The following LRMDA variants were observed in gnomAD, a reference collection of about 807,000 sequenced individuals.
The protein encoded by LRMDA is leucine rich melanocyte differentiation associated, also known as leucine-rich melanocyte differentiation-associated protein.
A neutral mutation model predicts 29.8 loss-of-function variants in LRMDA; 18 were observed. The observed-to-expected ratio is 0.60, with a 90% CI of 0.42 to 0.90. LRMDA has a LOEUF of 0.90. Among genes scored for constraint, LRMDA ranks in the 40% least tolerant of loss-of-function variants. LRMDA has a pLI of 0.00. For missense variants in LRMDA, 273 were observed against 273.9 expected (o/e 1.00, Z 0.02); for synonymous variants, 125 against 109.4 (o/e 1.14, Z -0.89).
chr10:75,943,079 C>T (rs947587613), intron 2 of LRMDA, among the ~76,000 whole-genome samples: 3 of 150,892 alleles, frequency 2.0e-5, no homozygotes, highest in Non-Finnish European at 4.4e-5. Flanking sequence ...AGTCTGGTTC[C>T]AGGATGGATG....
intron 2 of LRMDA, among the ~76,000 whole-genome samples, chr10:75,969,596 A>G (rs1373640462): frequency 6.6e-6 from 1 of 152,324 alleles, no homozygotes; most frequent in East Asian, 1.9e-4. Flanking sequence ...TAATTTTGCC[A>G]TGTTTCCTTT....
At chr10:76,419,529 T>C (rs1186130821) in intron 6 of LRMDA, among the ~76,000 whole-genome samples, 1 of 152,124 alleles carries the variant, frequency 6.6e-6, no homozygotes, top group Non-Finnish European at 1.5e-5. Flanking sequence ...GCCGTAAACA[T>C]CTGTGTGCAG....
intron 5 of LRMDA, among the ~76,000 whole-genome samples, chr10:76,307,172 T>G (rs1443549280): frequency 1.3e-5 from 2 of 152,184 alleles, no homozygotes; most frequent in African/African-American, 4.8e-5. Context: ...TTTTTAATCT[T>G]CTGTGGGATA....
chr10:75,876,772 C>T (rs1411780467), intron 2 of LRMDA, among the ~76,000 whole-genome samples: 1 of 152,162 alleles, frequency 6.6e-6, no homozygotes, highest in Non-Finnish European at 1.5e-5. Context: ...CATGACATAA[C>T]AAGATTCAAT....
At chr10:76,469,627 G>A (rs1456410851) in intron 6 of LRMDA, among the ~76,000 whole-genome samples, 1 of 152,088 alleles carries the variant, frequency 6.6e-6, no homozygotes, top group African/African-American at 2.4e-5. Flanking sequence ...TTGAAACAGA[G>A]TGAGGGAAGT....
At chr10:75,900,781 C>T (rs975631658) in intron 2 of LRMDA, among the ~76,000 whole-genome samples, 3 of 152,158 alleles carry the variant, frequency 2.0e-5, no homozygotes, top group Non-Finnish European at 2.9e-5. Context: ...TGCCCACCCC[C>T]CCACCTTTCT....
At chr10:75,900,552 G>A (rs1845653106) in intron 2 of LRMDA, among the ~76,000 whole-genome samples, 1 of 152,168 alleles carries the variant, frequency 6.6e-6, no homozygotes, top group African/African-American at 2.4e-5. Flanking sequence ...GAAGGCAAGG[G>A]CACAAGAAAA....
At chr10:76,468,887 G>A (rs1842590698) in intron 6 of LRMDA, among the ~76,000 whole-genome samples, 1 of 152,140 alleles carries the variant, frequency 6.6e-6, no homozygotes, top group South Asian at 2.1e-4. Flanking sequence ...AGAAGAGAGA[G>A]GAAGTGAGAA....
chr10:75,887,365 T>C (rs79032600), intron 2 of LRMDA, among the ~76,000 whole-genome samples: 1 of 152,208 alleles, frequency 6.6e-6, no homozygotes, highest in East Asian at 1.9e-4. Context: ...CGCACATTTT[T>C]AGAAATGTAT....
intron 2 of LRMDA, among the ~76,000 whole-genome samples, chr10:75,908,333 A>T (rs1407679925): frequency 2.0e-5 from 3 of 152,150 alleles, no homozygotes; most frequent in African/African-American, 7.2e-5. Flanking sequence ...TTCTTGCAGG[A>T]TGGAACTAGA....
chr10:75,782,461 G>A (rs1843399604), intron 2 of LRMDA, among the ~76,000 whole-genome samples: 1 of 152,028 alleles, frequency 6.6e-6, no homozygotes, highest in Non-Finnish European at 1.5e-5. Flanking sequence ...CAGATGGGAT[G>A]GAATATTTCT....
intron 2 of LRMDA, among the ~76,000 whole-genome samples, chr10:75,671,136 T>C (rs1841886176): frequency 6.6e-6 from 1 of 152,152 alleles, no homozygotes; most frequent in African/African-American, 2.4e-5. Flanking sequence ...AATAAAGCAG[T>C]GAGAAATAAA....
intron 2 of LRMDA, among the ~76,000 whole-genome samples, chr10:75,917,646 A>G (rs1202484824): frequency 6.6e-6 from 1 of 152,230 alleles, no homozygotes; most frequent in Non-Finnish European, 1.5e-5. Flanking sequence ...GATAAGAAAG[A>G]GCAAGGGGCT....
chr10:76,286,978 A>G (rs1200017629), intron 5 of LRMDA, among the ~76,000 whole-genome samples: 1 of 152,086 alleles, frequency 6.6e-6, no homozygotes, highest in African/African-American at 2.4e-5. Flanking sequence ...TATTTTATGT[A>G]CCTCAAACTT....
intron 6 of LRMDA, among the ~76,000 whole-genome samples, chr10:76,415,411 G>T (rs189241488): frequency 2.0e-5 from 3 of 152,138 alleles, no homozygotes; most frequent in African/African-American, 7.2e-5. Flanking sequence ...GCTTAGTATG[G>T]ACACAAGAGC....
chr10:75,674,903 G>A (rs1202731555), intron 2 of LRMDA, among the ~76,000 whole-genome samples: 5 of 152,132 alleles, frequency 3.3e-5, no homozygotes, highest in African/African-American at 1.2e-4. Flanking sequence ...TGTAAGTTTC[G>A]TTGTGGTTTC....
At chr10:75,854,404 AC>A (rs1040212762) in intron 2 of LRMDA, among the ~76,000 whole-genome samples, 1 of 151,264 alleles carries the variant, frequency 6.6e-6, no homozygotes, top group Non-Finnish European at 1.5e-5. Context: ...AATATTGGCC[AC>A]CCCCCATGCC....
At chr10:76,135,775 T>C (rs186513660) in intron 5 of LRMDA, among the ~76,000 whole-genome samples, 29 of 151,978 alleles carry the variant, frequency 1.9e-4, no homozygotes, top group East Asian at 7.7e-4. Flanking sequence ...TTCTTTCTTT[T>C]TTTTTTTTTT....
At chr10:76,331,387 A>G (rs1840903346) in intron 6 of LRMDA, among the ~76,000 whole-genome samples, 1 of 152,152 alleles carries the variant, frequency 6.6e-6, no homozygotes, top group South Asian at 2.1e-4. Flanking sequence ...CTGCTTATAT[A>G]TTGCCTTCTG....
Sources: allele counts gnomAD v4.1 joint callset (sites outside exome capture counted in the v4.1 genomes callset), GRCh38; gene constraint gnomAD v4.1.1; transcripts MANE v1.5; gene names NCBI Gene and HGNC (gene_info 2026-07-23, HGNC 2026-07-21).